The following KLHL32 variants were observed in gnomAD, a reference collection of about 807,000 sequenced individuals.
The protein encoded by KLHL32 is kelch-like protein 32.
KLHL32 carries 35 observed loss-of-function variants against 64.8 expected under a neutral mutation model. The observed-to-expected ratio is 0.54, with a 90% CI of 0.41 to 0.72. KLHL32 has a LOEUF of 0.72. Ranked by LOEUF, KLHL32 falls within the 30% of genes least tolerant of loss-of-function variation. The pLI is 0.00. For missense variants in KLHL32, 589 were observed against 768.5 expected (o/e 0.77, Z 2.76); for synonymous variants, 259 against 281.0 (o/e 0.92, Z 0.78).
chr6:97,106,252 A>G (rs766528137), intron 6 of KLHL32, among the ~76,000 whole-genome samples: 1 of 152,202 alleles, frequency 6.6e-6, no homozygotes, highest in East Asian at 1.9e-4. Flanking sequence ...ATTAAATTGC[A>G]TATTTTAATT....
intron 6 of KLHL32, among the ~76,000 whole-genome samples, chr6:97,089,778 TAAAAA>T (rs35560928): frequency 7.3e-6 from 1 of 136,282 alleles, no homozygotes; most frequent in African/African-American, 2.8e-5. Flanking sequence ...AAACTCCAGC[TAAAAA>T]AAAAAAAAAA....
At chr6:96,923,078 A>G (rs1166972399), upstream of KLHL32, among the ~76,000 whole-genome samples, 1 of 152,232 alleles carries the variant, frequency 6.6e-6, no homozygotes, top group Admixed American at 6.5e-5. Context: ...AGACTCTTCC[A>G]TAGTCACACA....
At chr6:97,119,954 G>A (rs964792939) in intron 7 of KLHL32, among the ~76,000 whole-genome samples, 4 of 152,118 alleles carry the variant, frequency 2.6e-5, no homozygotes, top group Admixed American at 6.5e-5. Flanking sequence ...GCTAGAAGAC[G>A]AAATCCAGAG....
intron 1 of KLHL32, among the ~76,000 whole-genome samples, chr6:96,963,479 A>T (rs1774099005): frequency 6.6e-6 from 1 of 152,334 alleles, no homozygotes; most frequent in Admixed American, 6.5e-5. Flanking sequence ...ACAAAAGGAA[A>T]ACGGTACCCT....
intron 6 of KLHL32, among the ~76,000 whole-genome samples, chr6:97,099,500 C>G (rs1454604181): frequency 6.6e-6 from 1 of 152,238 alleles, no homozygotes; most frequent in Non-Finnish European, 1.5e-5. Flanking sequence ...GCAATACAGT[C>G]TTTCTCTCAA....
chr6:97,005,056 G>C (rs183289842), intron 3 of KLHL32, among the ~76,000 whole-genome samples: 2 of 152,200 alleles, frequency 1.3e-5, no homozygotes, highest in East Asian at 1.9e-4. Flanking sequence ...AGTGGGAATG[G>C]TATCAGCACT....
Position 96,976,134 on chromosome 6 carries a change from A to G in KLHL32, c.161A>G (p.His54Arg), listed in dbSNP as rs373236147. ...ITLIAEEQKF[H>R]AHKAVLAACS... is the part of the protein sequence containing the mutation. ...CTGATTGCTGAGGAACAGAAATTCCATGCTCACAAGGCAGTCCTAGCAGCA... is the reference window on the plus strand; with the variant it reads ...CTGATTGCTGAGGAACAGAAATTCCGTGCTCACAAGGCAGTCCTAGCAGCA... The change falls in exon 3 of 11, where the codon CAT (histidine) becomes CGT (arginine). Residue 54 changes from histidine to arginine, a missense_variant. Transcript: ENST00000369261. The G allele has an allele frequency of 1.4e-5, 22 of 1,606,616 alleles. No homozygotes were observed. The African/African-American group carries it at 2.3e-4, about 17-fold the overall frequency.
In KLHL32 at chr6:97,009,020, T is replaced by C. The variant is rs116179822; in HGVS notation, c.205-32472T>C. ...TCTGTTCACATACTTTCTGGCTGTG[T>C]ATATCCTTGGGCAAGTGGCTTTATA... On this transcript the variant is annotated intron_variant, in intron 3 of 10. Coordinates refer to ENST00000369261, the MANE Select transcript of KLHL32 (RefSeq NM_052904.4). Among the ~76,000 whole-genome samples, 235 of 152,276 alleles carry C rather than the reference T, an allele frequency of 1.5e-3. 1 individual carries two copies. The highest frequency in any genetic ancestry group is 5.2e-3 in the African/African-American group (218 of 41,540).
intron 5 of KLHL32, 37 bp from the exon 6 acceptor site, chr6:97,085,089 A>G (rs1793189358): frequency 4.5e-6 from 7 of 1,562,788 alleles, no homozygotes; most frequent in Non-Finnish European, 6.2e-6. Context: ...ATTTATTTCT[A>G]AGAGATCTTT....
intron 1 of KLHL32, among the ~76,000 whole-genome samples, chr6:96,954,457 C>T (rs1292069682): frequency 6.6e-6 from 1 of 151,880 alleles, no homozygotes; most frequent in Non-Finnish European, 1.5e-5. Flanking sequence ...CAGCGATTAC[C>T]CCATAAAGTG....
the KLHL32 span, among the ~76,000 whole-genome samples, chr6:96,909,500 C>T: frequency 3.9e-5 from 6 of 152,132 alleles, no homozygotes; most frequent in Admixed American, 1.3e-4. Context: ...CTACTCTGTT[C>T]GCACTGTTGT....
At chr6:97,040,846 C>T (rs1785006683) in intron 3 of KLHL32, among the ~76,000 whole-genome samples, 1 of 152,236 alleles carries the variant, frequency 6.6e-6, no homozygotes. Context: ...AGGGCTCTTC[C>T]CCTTCCCTCG....
intron 3 of KLHL32, among the ~76,000 whole-genome samples, chr6:97,035,085 A>T (rs1366790084): frequency 6.6e-6 from 1 of 151,850 alleles, no homozygotes; most frequent in Non-Finnish European, 1.5e-5. Flanking sequence ...TTATCTGATT[A>T]TTTTTGTAGT....
chr6:96,968,675 C>T (rs1774765022), intron 2 of KLHL32, among the ~76,000 whole-genome samples: 1 of 152,186 alleles, frequency 6.6e-6, no homozygotes, highest in African/African-American at 2.4e-5. Flanking sequence ...CCTCCCTTCC[C>T]CACCTCTCAG....
Position 96,986,283 on chromosome 6 carries a change from A to AT in KLHL32, c.204+10107dup, listed in dbSNP as rs1300652023. Among the ~76,000 whole-genome samples the AT allele has an allele frequency of 3.3e-5, 5 of 152,144 alleles. No homozygotes were observed. The East Asian group carries it at 7.8e-4, about 24-fold the overall frequency. ...CGTGTGAGGTGTCAGTCTGCCCCTA[A>AT]TGGGGGGGGCCTCCCAGTTAGGCTA... On this transcript the variant is annotated intron_variant, in intron 3 of 10. Transcript: ENST00000369261.
chr6:96,993,667 A>T (rs1017438366), intron 3 of KLHL32, among the ~76,000 whole-genome samples: 1 of 152,172 alleles, frequency 6.6e-6, no homozygotes, highest in Non-Finnish European at 1.5e-5. Context: ...CCCTACTTGC[A>T]AGCTAACTAG....
chr6:96,997,526 T>C (rs142633194), intron 3 of KLHL32, among the ~76,000 whole-genome samples: 41 of 152,052 alleles, frequency 2.7e-4, no homozygotes, highest in African/African-American at 9.6e-4. Flanking sequence ...ATGGGGAGAA[T>C]TGCCTGAGCT....
intron 5 of KLHL32, among the ~76,000 whole-genome samples, chr6:97,080,990 T>C (rs6914644): frequency 0.89 from 134,819 of 152,152 alleles, 59,784 homozygotes; most frequent in East Asian, 1. Flanking sequence ...CCTGAAATCC[T>C]ACCATCATCC....
At chr6:97,033,243 A>G (rs1783828699) in intron 3 of KLHL32, among the ~76,000 whole-genome samples, 1 of 152,174 alleles carries the variant, frequency 6.6e-6, no homozygotes, top group African/African-American at 2.4e-5. Flanking sequence ...AACTAAACCC[A>G]CCATATGCCT....
Sources: gnomAD v4.1 joint callset for allele counts (sites outside exome capture counted in the v4.1 genomes callset) on GRCh38, gnomAD v4.1.1 for gene constraint, MANE v1.5 for transcripts, NCBI Gene and HGNC (gene_info 2026-07-23, HGNC 2026-07-21) for gene names.